The following PPP1R7 variants were observed in gnomAD, a reference collection of about 807,000 sequenced individuals.
PPP1R7 encodes protein phosphatase 1 regulatory subunit 7.
A neutral mutation model predicts 45.2 loss-of-function variants in PPP1R7; 18 were observed. The observed-to-expected ratio is 0.40, with a 90% CI of 0.28 to 0.59. The LOEUF (loss-of-function observed/expected upper bound fraction) is 0.59. Among genes scored for constraint, PPP1R7 ranks in the 20% least tolerant of loss-of-function variants. The pLI is 0.46. For synonymous variants in PPP1R7, 181 were observed against 183.4 expected (o/e 0.99, Z 0.11); for missense variants, 314 against 455.8 (o/e 0.69, Z 2.83).
intron 1 of PPP1R7, among the ~76,000 whole-genome samples, chr2:241,150,856 A>G (rs530456780): frequency 2.2e-4 from 34 of 151,988 alleles, no homozygotes; most frequent in African/African-American, 8.2e-4. Context: ...CCTCGCCCCG[A>G]GCCTCTGAGA....
At chr2:241,158,660 C>A in intron 4 of PPP1R7, 111 bp downstream of exon 4, 2 of 1,063,998 alleles carry the variant, frequency 1.9e-6, no homozygotes, top group Admixed American at 1.8e-5. Context: ...CTGTGGGCGG[C>A]GTGGCTGCCT....
chr2:241,180,655 C>T (rs531755360), intron 9 of PPP1R7, among the ~76,000 whole-genome samples: 6 of 151,458 alleles, frequency 4.0e-5, no homozygotes, highest in Admixed American at 3.3e-4. Flanking sequence ...TCTAGTGTTG[C>T]AGGCTCTGCA....
intron 9 of PPP1R7, among the ~76,000 whole-genome samples, chr2:241,182,002 CAAA>C (rs60709076): frequency 1.4e-5 from 2 of 138,126 alleles, no homozygotes; most frequent in African/African-American, 5.2e-5. Context: ...GACTCTGTCT[CAAA>C]AAAAAAAAAA....
rs200351113 is a variant in PPP1R7, at chr2:241,153,540, C to G, written c.117C>G (p.Ile39Met). 1 of 1,614,148 alleles carries G rather than the reference C, an allele frequency of 6.2e-7. No individual in the cohort carries two copies. Among genetic ancestry groups the G allele is most frequent in the Admixed American group, 1.7e-5 (1 of 60,016 alleles). The change falls in exon 2 of 10, where the codon ATC becomes ATG. Residue 39 changes from isoleucine to methionine, a missense_variant. Coordinates refer to ENST00000234038, the MANE Select transcript of PPP1R7 (RefSeq NM_002712.3). Reference protein sequence around the residue: ...DEEGKKHSSGIVADLSEQSLK... With the variant: ...DEEGKKHSSGMVADLSEQSLK... ...AAGGGAAGAAACACAGCAGTGGCAT[C>G]GTGGCCGACCTCAGTGAACAGAGCC...
rs150691434 is a variant in PPP1R7 at position 241,156,943 on chromosome 2, C to T, written c.182-864C>T. On this transcript the variant is annotated intron_variant, in intron 2 of 9. Transcript: ENST00000234038. ...TGCGTGTGTCTGTGTAGTGTGCATA[C>T]GTGCCTGTGTGTCTTTGTGCATGCG... is the stretch of plus-strand genomic sequence containing the variant. Among the ~76,000 whole-genome samples, 296 of 152,120 alleles carry T rather than the reference C, an allele frequency of 1.9e-3. 1 individual carries two copies. The highest frequency in any genetic ancestry group is 7.0e-3 in the African/African-American group (291 of 41,504).
Position 241,183,045 on chromosome 2 carries a change from G to A in PPP1R7, c.*222G>A. Reference sequence around the variant, plus strand: ...CTGTCCTCCTGGGTGATTGTTGACAGTTATTGTAGCCACAGAGAGAACATA... The same window carrying A: ...CTGTCCTCCTGGGTGATTGTTGACAATTATTGTAGCCACAGAGAGAACATA... On this transcript the variant is annotated 3_prime_UTR_variant, in exon 10 of 10. Transcript: ENST00000234038. 1.7e-6 allele frequency: 1 copy of A among 583,474 alleles called. No homozygotes were observed. The highest frequency in any genetic ancestry group is 3.0e-6 in the Non-Finnish European group (1 of 328,578). The allele number at this position is 583,474 out of a possible 1,614,324, so 36.1% of individuals were successfully genotyped here.
chr2:241,165,175 GT>G (rs552300983), intron 7 of PPP1R7, among the ~76,000 whole-genome samples: 2,716 of 150,916 alleles, frequency 0.018, 88 homozygotes, highest in African/African-American at 0.061. Flanking sequence ...CTTTTTTTTG[GT>G]TTTTTTTTGA....
chr2:241,172,814 T>A (rs1385117240), intron 9 of PPP1R7, among the ~76,000 whole-genome samples: 2 of 152,160 alleles, frequency 1.3e-5, no homozygotes, highest in African/African-American at 4.8e-5. Context: ...TCACTTTGAT[T>A]TGTTTGAAAA....
chr2:241,168,823 T>C (rs777421906), intron 8 of PPP1R7, among the ~76,000 whole-genome samples: 5 of 152,218 alleles, frequency 3.3e-5, no homozygotes, highest in Non-Finnish European at 7.3e-5. Flanking sequence ...TGGGTACATT[T>C]CAGGGGAGAT....
At chr2:241,177,643 A>G (rs776238314) in intron 9 of PPP1R7, among the ~76,000 whole-genome samples, 2 of 152,228 alleles carry the variant, frequency 1.3e-5, no homozygotes, top group Non-Finnish European at 2.9e-5. Flanking sequence ...AGCAATACAC[A>G]GTTCACCAAT....
At chr2:241,152,884 T>C (rs901517929) in intron 1 of PPP1R7, among the ~76,000 whole-genome samples, 8 of 152,240 alleles carry the variant, frequency 5.3e-5, no homozygotes, top group African/African-American at 1.9e-4. Context: ...TAACACTCTG[T>C]CCAGTGTCCA....
At chr2:241,166,027 C>T (rs563084216) in intron 7 of PPP1R7, among the ~76,000 whole-genome samples, 94 of 151,706 alleles carry the variant, frequency 6.2e-4, no homozygotes, top group African/African-American at 2.1e-3. Flanking sequence ...CTCAGCCTCC[C>T]GAGTAGCTGG....
At chr2:241,160,105 G>A (rs929360228) in intron 5 of PPP1R7, among the ~76,000 whole-genome samples, 1 of 152,140 alleles carries the variant, frequency 6.6e-6, no homozygotes, top group Non-Finnish European at 1.5e-5. Context: ...GGAGCCTGTA[G>A]GCTGCCTCTG....
intron 5 of PPP1R7, 96 bp from the exon 6 acceptor site, chr2:241,160,236 C>T: frequency 2.0e-6 from 2 of 1,012,022 alleles, no homozygotes; most frequent in Non-Finnish European, 2.8e-6. Flanking sequence ...GACTGCCGTC[C>T]CCTGATGGGG....
intron 1 of PPP1R7, among the ~76,000 whole-genome samples, chr2:241,152,720 T>C (rs938882672): frequency 2.0e-5 from 3 of 152,182 alleles, no homozygotes; most frequent in Non-Finnish European, 4.4e-5. Flanking sequence ...GTGCCTCATG[T>C]TTTCCAGACA....
At chr2:241,166,641 C>G (rs1443037933) in intron 8 of PPP1R7, among the ~76,000 whole-genome samples, 200 bp downstream of exon 8, 1 of 152,236 alleles carries the variant, frequency 6.6e-6, no homozygotes, top group African/African-American at 2.4e-5. Flanking sequence ...GCTGTGTGTG[C>G]CTGTTGGCCC....
chr2:241,179,617 G>A (rs913831029), intron 9 of PPP1R7, among the ~76,000 whole-genome samples: 1 of 152,186 alleles, frequency 6.6e-6, no homozygotes, highest in Admixed American at 6.5e-5. Flanking sequence ...GGTCCCTCTG[G>A]GGGAAAGGAA....
chr2:241,167,197 T>G, intron 8 of PPP1R7: 1 of 936,412 alleles, frequency 1.1e-6, no homozygotes, highest in Non-Finnish European at 1.6e-6. Flanking sequence ...TTTTCTGTTT[T>G]GTTAAATTGC....
chr2:241,149,849 G>A (rs754267112), upstream of PPP1R7: 3 of 1,475,606 alleles, frequency 2.0e-6, no homozygotes, highest in Non-Finnish European at 2.7e-6. Flanking sequence ...CTTGCAAGGG[G>A]AGCCCAGCTG....
Sources: gnomAD v4.1 joint callset for allele counts (sites outside exome capture counted in the v4.1 genomes callset) on GRCh38, gnomAD v4.1.1 for gene constraint, MANE v1.5 for transcripts, NCBI Gene and HGNC (gene_info 2026-07-23, HGNC 2026-07-21) for gene names.